Variants in RANBP2 observed in about 807,000 individuals in gnomAD.
RANBP2 encodes the protein E3 SUMO-protein ligase RanBP2.
A neutral mutation model predicts 303.6 loss-of-function variants in RANBP2; 57 were observed. The ratio of observed to expected loss-of-function variants is 0.19; its 90% CI spans 0.15 to 0.23. RANBP2 has a LOEUF of 0.23. RANBP2 is among the 10% of genes least tolerant of loss of function. The pLI, the probability that RANBP2 is intolerant of heterozygous loss-of-function variation, is 1.00. For synonymous variants in RANBP2, 1,167 were observed against 1,301.5 expected (o/e 0.90, Z 2.23); for missense variants, 3,138 against 3,780.8 (o/e 0.83, Z 4.46).
the RANBP2 span, chr2:109,794,607 G>GCC: frequency 1.0e-5 from 5 of 488,750 alleles, no homozygotes; most frequent in Admixed American, 4.1e-4. Flanking sequence ...GGCGGCGGCG[G>GCC]CGGGGGGGGC....
the RANBP2 span, among the ~76,000 whole-genome samples, chr2:109,016,037 T>C: frequency 6.6e-6 from 1 of 152,184 alleles, no homozygotes; most frequent in Non-Finnish European, 1.5e-5. Flanking sequence ...CGTATGCCTG[T>C]TATTTTCTTC....
chr2:108,735,025 T>A (rs1341574165), intron 4 of RANBP2, among the ~76,000 whole-genome samples: 1 of 152,130 alleles, frequency 6.6e-6, no homozygotes, highest in Non-Finnish European at 1.5e-5. Context: ...GTATGTAAGT[T>A]CAGAGAGAAA....
chr2:109,036,779 G>A, the RANBP2 span, among the ~76,000 whole-genome samples: 1,886 of 152,210 alleles, frequency 0.012, 20 homozygotes, highest in Non-Finnish European at 0.02. Context: ...AGGCTGAGAT[G>A]GGCGGATTGC....
the RANBP2 span, among the ~76,000 whole-genome samples, chr2:108,888,635 T>C: frequency 6.6e-6 from 1 of 152,112 alleles, no homozygotes; most frequent in African/African-American, 2.4e-5. Context: ...GATATTTTTG[T>C]AATTCTGTGG....
At chr2:109,023,013 T>TG in the RANBP2 span, among the ~76,000 whole-genome samples, 1 of 152,122 alleles carries the variant, frequency 6.6e-6, no homozygotes, top group Admixed American at 6.5e-5. Flanking sequence ...ATCATGCCAC[T>TG]GCACTCCAGC....
chr2:109,030,493 T>C, the RANBP2 span, among the ~76,000 whole-genome samples: 1 of 152,218 alleles, frequency 6.6e-6, no homozygotes, highest in Non-Finnish European at 1.5e-5. Flanking sequence ...GCATTCTGGA[T>C]AGACAGTAAA....
the RANBP2 span, chr2:109,419,747 C>A: frequency 9.1e-7 from 1 of 1,094,856 alleles, no homozygotes; most frequent in Non-Finnish European, 1.3e-6. Context: ...CCATGTGTTA[C>A]TAGTTGGCCA....
the RANBP2 span, among the ~76,000 whole-genome samples, chr2:109,430,947 C>T: frequency 6.6e-6 from 1 of 152,210 alleles, no homozygotes; most frequent in African/African-American, 2.4e-5. Flanking sequence ...TAGCCAAGGT[C>T]ATTGAATGAG....
the RANBP2 span, among the ~76,000 whole-genome samples, chr2:109,305,933 T>C: frequency 6.6e-6 from 1 of 151,704 alleles, no homozygotes; most frequent in Admixed American, 6.6e-5. Context: ...CTCCAGCTGC[T>C]CCTCCAGCTG....
chr2:109,325,823 G>A, the RANBP2 span, among the ~76,000 whole-genome samples: 1 of 152,206 alleles, frequency 6.6e-6, no homozygotes, highest in Non-Finnish European at 1.5e-5. Flanking sequence ...AAAGATGCTG[G>A]CCCGAGCAGG....
At chr2:109,435,673 A>G in the RANBP2 span, among the ~76,000 whole-genome samples, 1 of 152,246 alleles carries the variant, frequency 6.6e-6, no homozygotes, top group Non-Finnish European at 1.5e-5. Flanking sequence ...TTCTGCTGTC[A>G]TGAGAGGCAG....
the RANBP2 span, among the ~76,000 whole-genome samples, chr2:109,640,284 T>G: frequency 6.6e-6 from 1 of 151,896 alleles, no homozygotes; most frequent in African/African-American, 2.4e-5. Flanking sequence ...AAATCCCGTC[T>G]CTACTAAAAA....
At chr2:109,347,709 C>T in the RANBP2 span, 1 of 1,613,846 alleles carries the variant, frequency 6.2e-7, no homozygotes, top group African/African-American at 1.3e-5. Context: ...AGGCCCTCTA[C>T]AGCTACGAGG....
chr2:109,678,879 G>A, the RANBP2 span, among the ~76,000 whole-genome samples: 1 of 152,206 alleles, frequency 6.6e-6, no homozygotes, highest in South Asian at 2.1e-4. Flanking sequence ...GCTGAGAGCG[G>A]TGCTCACCAG....
the RANBP2 span, among the ~76,000 whole-genome samples, chr2:109,405,684 C>T: frequency 2.0e-4 from 31 of 152,336 alleles, no homozygotes; most frequent in African/African-American, 4.6e-4. Context: ...TTCACCTCTC[C>T]GCAGCTTTCT....
the RANBP2 span, chr2:108,929,108 A>C: frequency 6.8e-7 from 1 of 1,476,190 alleles, no homozygotes; most frequent in Admixed American, 1.7e-5. Context: ...TGCAGTATCC[A>C]TGACCCCTGT....
At chr2:109,209,349 C>G in the RANBP2 span, among the ~76,000 whole-genome samples, 1 of 152,220 alleles carries the variant, frequency 6.6e-6, no homozygotes, top group East Asian at 1.9e-4. Flanking sequence ...TGCTGGCAAA[C>G]GTTTAACAGT....
the RANBP2 span, among the ~76,000 whole-genome samples, chr2:109,518,086 C>T: frequency 0.75 from 113,512 of 152,234 alleles, 44,379 homozygotes; most frequent in Non-Finnish European, 0.88. Context: ...CTACAAGGTC[C>T]GCTTTTCTAA....
At chr2:109,680,693 C>G in the RANBP2 span, among the ~76,000 whole-genome samples, 1 of 152,174 alleles carries the variant, frequency 6.6e-6, no homozygotes. Flanking sequence ...CTTTCTCAGC[C>G]ACCGGAATCT....
Sources: allele counts gnomAD v4.1 joint callset (sites outside exome capture counted in the v4.1 genomes callset), GRCh38; gene constraint gnomAD v4.1.1; transcripts MANE v1.5; gene names NCBI Gene and HGNC (gene_info 2026-07-23, HGNC 2026-07-21).